ASIC2: variants seen among roughly 807,000 people sequenced by gnomAD.
ASIC2 encodes the protein acid sensing ion channel subunit 2.
ASIC2 carries 25 observed loss-of-function variants against 57.3 expected under a neutral mutation model. The ratio of observed to expected loss-of-function variants is 0.44; its 90% CI spans 0.32 to 0.61. The LOEUF (loss-of-function observed/expected upper bound fraction) is 0.61, where lower values mean the gene tolerates loss of function less well. Among genes scored for constraint, ASIC2 ranks in the 20% least tolerant of loss-of-function variants. The pLI is 0.06. For synonymous variants in ASIC2, 319 were observed against 307.5 expected (o/e 1.04, Z -0.39); for missense variants, 641 against 738.1 (o/e 0.87, Z 1.52).
intron 1 of ASIC2, among the ~76,000 whole-genome samples, chr17:34,102,547 C>T (rs1910904367): frequency 6.6e-6 from 1 of 152,078 alleles, no homozygotes; most frequent in South Asian, 2.1e-4. Context: ...ATTCTATAAC[C>T]TCATATAAAT....
chr17:33,896,978 C>G (rs372846022), intron 1 of ASIC2, among the ~76,000 whole-genome samples: 1 of 152,172 alleles, frequency 6.6e-6, no homozygotes. Flanking sequence ...AAAGGAGAAG[C>G]TAGTTGGTCC....
chr17:33,627,154 C>T (rs955929384), intron 1 of ASIC2: 1 of 152,232 alleles, frequency 6.6e-6, no homozygotes, highest in African/African-American at 2.4e-5. Flanking sequence ...AATGCCCTCC[C>T]TTCCTAGTCT....
At chr17:33,074,054 C>A (rs1296569097) in intron 3 of ASIC2, among the ~76,000 whole-genome samples, 2 of 152,160 alleles carry the variant, frequency 1.3e-5, no homozygotes, top group Admixed American at 6.5e-5. Flanking sequence ...CCTTCAGTAA[C>A]CACTGCCTTT....
At chr17:33,125,103 C>T (rs2092318111) in intron 1 of ASIC2, among the ~76,000 whole-genome samples, 1 of 152,184 alleles carries the variant, frequency 6.6e-6, no homozygotes, top group African/African-American at 2.4e-5. Context: ...TGCTCTGTGG[C>T]CCAGTTCCCA....
chr17:33,436,282 G>A (rs1242114135), intron 1 of ASIC2, among the ~76,000 whole-genome samples: 1 of 152,144 alleles, frequency 6.6e-6, no homozygotes, highest in Non-Finnish European at 1.5e-5. Flanking sequence ...CTGAATTAGG[G>A]GCCTGAATTC....
chr17:33,181,724 G>A (rs144934258), intron 1 of ASIC2, among the ~76,000 whole-genome samples: 3 of 152,328 alleles, frequency 2.0e-5, no homozygotes, highest in African/African-American at 7.2e-5. Context: ...CCAGCGGTAT[G>A]TTCCGTTTGC....
Position 34,156,631 on chromosome 17 carries a change from A to G in ASIC2, c.-99T>C. The G allele has an allele frequency of 7.9e-7, 1 of 1,271,408 alleles. No individual in the cohort carries two copies. The allele number at this position is 1,271,408 out of a possible 1,614,324, so 78.8% of individuals were successfully genotyped here. A position where few individuals can be genotyped will look rare whatever the true frequency, so the allele number is the denominator to read the frequency against. On this transcript the variant is annotated 5_prime_UTR_variant, in exon 1 of 10. Transcript: ENST00000359872. The surrounding 1 kb of genome is among the most constrained non-coding windows in gnomAD (Gnocchi z 4.4). ...CTGCTTAAACCTTGACGTTCAGGGG[A>G]GAGAACGCAAGGCAAGCATCGCGCC...
At chr17:33,079,162 A>G (rs1327878001) in intron 3 of ASIC2, among the ~76,000 whole-genome samples, 2 of 152,206 alleles carry the variant, frequency 1.3e-5, no homozygotes, top group African/African-American at 4.8e-5. Context: ...TATGTAAGGC[A>G]CCATGTAAAA....
intron 1 of ASIC2, among the ~76,000 whole-genome samples, chr17:33,842,389 C>G (rs1253464987): frequency 1.3e-5 from 2 of 152,154 alleles, no homozygotes; most frequent in African/African-American, 2.4e-5. Flanking sequence ...ATCTACCATA[C>G]AGGGTCATTC....
chr17:34,006,319 C>T (rs1234008291), intron 1 of ASIC2: 7 of 152,288 alleles, frequency 4.6e-5, no homozygotes, highest in Non-Finnish European at 7.3e-5. Flanking sequence ...CATGCATGAA[C>T]GAGGCTCTGG....
At chr17:34,032,009 G>C (rs2142037823) in intron 1 of ASIC2, among the ~76,000 whole-genome samples, 1 of 152,224 alleles carries the variant, frequency 6.6e-6, no homozygotes, top group East Asian at 1.9e-4. Context: ...GAAATACAGA[G>C]AATGCCACAA....
At chr17:33,465,037 A>T (rs1310750873) in intron 1 of ASIC2, among the ~76,000 whole-genome samples, 1 of 152,186 alleles carries the variant, frequency 6.6e-6, no homozygotes, top group Non-Finnish European at 1.5e-5. Flanking sequence ...AGACACCAGG[A>T]TAAAAGGCAG....
At chr17:33,121,609 G>C (rs1726757172) in intron 1 of ASIC2, among the ~76,000 whole-genome samples, 1 of 152,130 alleles carries the variant, frequency 6.6e-6, no homozygotes, top group South Asian at 2.1e-4. Flanking sequence ...CTGGCTACCT[G>C]CTGAGCCCTG....
chr17:34,097,819 G>T (rs1019648949), intron 1 of ASIC2, among the ~76,000 whole-genome samples: 6 of 152,040 alleles, frequency 3.9e-5, no homozygotes, highest in Admixed American at 3.9e-4. Flanking sequence ...CCCCCAAACT[G>T]CATGAGGTGG....
chr17:34,068,137 G>A lies in ASIC2; in HGVS notation c.555+87841C>T, dbSNP rs79786630. ...TTCTGAGTGAACTCTAGCCCAAATC[G>A]GGTAGGTGTGGAGGACAGCCTCCAC... On this transcript the variant is annotated intron_variant, in intron 1 of 9. Coordinates refer to the ASIC2 transcript ENST00000359872. Among the ~76,000 whole-genome samples, 1,308 of 152,282 alleles carry A rather than the reference G, an allele frequency of 8.6e-3. 14 individuals are homozygous for A. Among genetic ancestry groups the A allele is most frequent in the African/African-American group, 0.03 (1,241 of 41,528 alleles).
intron 1 of ASIC2, among the ~76,000 whole-genome samples, chr17:33,346,520 G>A (rs551969072): frequency 2.0e-5 from 3 of 152,322 alleles, no homozygotes; most frequent in African/African-American, 7.2e-5. Flanking sequence ...ACCTGTGTAT[G>A]TGTGTGCACA....
intron 1 of ASIC2, among the ~76,000 whole-genome samples, chr17:33,118,425 A>G (rs546853507): frequency 3.3e-5 from 5 of 152,208 alleles, no homozygotes; most frequent in Non-Finnish European, 7.3e-5. Flanking sequence ...ACAGAGCTGG[A>G]GGAGCCAGGG....
At chr17:33,959,521 C>A (rs927542027) in intron 1 of ASIC2, among the ~76,000 whole-genome samples, 1 of 152,218 alleles carries the variant, frequency 6.6e-6, no homozygotes, top group African/African-American at 2.4e-5. Flanking sequence ...AACAGTACAG[C>A]CTTCAGTCTG....
At chr17:33,551,199 T>C (rs1915741698) in intron 1 of ASIC2, among the ~76,000 whole-genome samples, 1 of 152,218 alleles carries the variant, frequency 6.6e-6, no homozygotes, top group African/African-American at 2.4e-5. Context: ...TCGATGAATA[T>C]GTATGCTGAT....
Sources: gnomAD v4.1 joint callset for allele counts (sites outside exome capture counted in the v4.1 genomes callset) on GRCh38, gnomAD v4.1.1 for gene constraint, Gnocchi (gnomAD v3.1) non-coding constraint, MANE v1.5 for transcripts, NCBI Gene and HGNC (gene_info 2026-07-23, HGNC 2026-07-21) for gene names.